SLC34A1: variants seen among roughly 807,000 people sequenced by gnomAD.
The protein encoded by SLC34A1 is sodium-dependent phosphate transport protein 2A.
Under a neutral mutation model 51.4 loss-of-function variants are expected in SLC34A1, and 57 were observed. The observed-to-expected ratio is 1.11, with a 90% CI of 0.90 to 1.38. The LOEUF (loss-of-function observed/expected upper bound fraction) is 1.38. Ranked by LOEUF, SLC34A1 falls within the 40% of genes most tolerant of loss-of-function variation. The probability of loss-of-function intolerance (pLI) is 0.00; values close to 1 mark genes in which losing one functional copy is unlikely to be tolerated. For synonymous variants in SLC34A1, 368 were observed against 358.0 expected, an observed-to-expected ratio of 1.03 and a Z score of -0.32; for missense variants, 796 against 835.6, an observed-to-expected ratio of 0.95 and a Z score of 0.58.
In SLC34A1 at chr5:177,398,090, C is replaced by T. The variant is rs201331677; in HGVS notation, c.1724C>T (p.Thr575Ile). ...SPGHLPKWLQ[T>I]WDFLPRWMHS... ...GGGCACCTGCCCAAGTGGTTACAGA[C>T]ATGGGACTTCCTGCCTCGCTGGATG... The change falls in exon 13 of 13, where the codon ACA becomes ATA. Residue 575 changes from threonine (T) to isoleucine (I), a missense_variant. Transcript: ENST00000324417. This position sits in a 1 kb window ranked among gnomAD's most constrained non-coding sequence, Gnocchi z 4.7. The T allele has an allele frequency of 4.2e-5, 68 of 1,612,388 alleles. No individual in the cohort carries two copies. The highest frequency in any genetic ancestry group is 5.6e-5 in the Non-Finnish European group (66 of 1,178,710).
chr5:177,388,406 T>C lies in SLC34A1; in HGVS notation c.936+34T>C, dbSNP rs771988697. On this transcript the variant is annotated intron_variant, in intron 8 of 12. Transcript: ENST00000324417. The surrounding 1 kb of genome is among the most constrained non-coding windows in gnomAD (Gnocchi z 4.3). ...CAGGCCTAACCCCAGGTAAGAGGAC[T>C]CCCTCTTCAGACTCTTGGTTTCATT... The C allele has an allele frequency of 6.6e-7, 1 of 1,512,904 alleles. No homozygotes were observed. Among genetic ancestry groups the C allele is most frequent in the Admixed American group, 1.7e-5 (1 of 59,882 alleles). 93.7% of individuals were successfully genotyped at this position (1,512,904 alleles called of 1,614,324 possible). A position where few individuals can be genotyped will look rare whatever the true frequency, so the allele number is the denominator to read the frequency against.
chr5:177,385,027 G>C (rs189669720), intron 1 of SLC34A1, among the ~76,000 whole-genome samples: 9 of 152,200 alleles, frequency 5.9e-5, no homozygotes, highest in East Asian at 3.9e-4. Context: ...GACAAGGGGG[G>C]GCTGAGGCAA....
chr5:177,390,006 G>A, intron 8 of SLC34A1: 1 of 1,335,162 alleles, frequency 7.5e-7, no homozygotes. Context: ...TTCTGGGACA[G>A]CGCCCCGAAG....
intron 8 of SLC34A1, 55 bp from the exon 9 acceptor site, chr5:177,393,639 C>T (rs1326596824): frequency 1.3e-6 from 2 of 1,572,812 alleles, no homozygotes; most frequent in African/African-American, 2.7e-5. Flanking sequence ...CCATCTCAGC[C>T]CCAACCTCAG....
chr5:177,396,515 TCTCTCCCAGTGCCCCCGCGGAGGTCCG>T lies in SLC34A1; in HGVS notation c.1175-191_1175-165del, dbSNP rs1762968793. On this transcript the variant is annotated intron_variant, in intron 10 of 12. Transcript: ENST00000324417. This position sits in a 1 kb window ranked among gnomAD's most constrained non-coding sequence, Gnocchi z 4.0. ...TCTCCCAGTGCCCCCGCGGAGGTCC[TCTCTCCCAGTGCCCCCGCGGAGGTCCG>T]CTCTCCCAGTGCCCCCGCGGAGGTC... is the stretch of plus-strand genomic sequence containing the variant. Among the ~76,000 whole-genome samples the T allele has an allele frequency of 1.0e-3, 66 of 63,322 alleles. 3 individuals are homozygous for T. The South Asian group carries it at 0.012, about 11-fold the overall frequency. The allele number at this position is 63,322 out of a possible 152,430, so 41.5% of individuals were successfully genotyped here. A position where few individuals can be genotyped will look rare whatever the true frequency, so the allele number is the denominator to read the frequency against.
chr5:177,387,901 G>A (rs781281968), intron 6 of SLC34A1, 28 bp downstream of exon 6: 11 of 1,604,306 alleles, frequency 6.9e-6, no homozygotes, highest in East Asian at 6.7e-5. Flanking sequence ...TTGGGGGCTC[G>A]TGCCTGGGGG....
chr5:177,395,310 T>C (rs1225539316), intron 10 of SLC34A1, among the ~76,000 whole-genome samples: 1 of 152,142 alleles, frequency 6.6e-6, no homozygotes, highest in Non-Finnish European at 1.5e-5. Flanking sequence ...CGGTTTCCAA[T>C]GCGCTGTTTG....
At chr5:177,385,909 G>C in intron 2 of SLC34A1, 59 bp downstream of exon 2, 1 of 1,610,070 alleles carries the variant, frequency 6.2e-7, no homozygotes, top group Non-Finnish European at 8.5e-7. Context: ...CATCCCGGAT[G>C]AGGCCACTTC....
At chr5:177,385,937 C>T (rs1302957501) in intron 2 of SLC34A1, 50 bp from the exon 3 acceptor site, 20 of 1,609,978 alleles carry the variant, frequency 1.2e-5, no homozygotes, top group South Asian at 2.2e-5. Flanking sequence ...TGTTCCTCCC[C>T]GCCTCCCCAC....
In SLC34A1 at chr5:177,388,196, G is replaced by A; in HGVS notation, c.840+7G>A. 6.2e-7 allele frequency: 1 copy of A among 1,614,108 alleles called. No homozygotes were observed. On this transcript the variant is annotated splice_region_variant and intron_variant, in intron 7 of 12. Coordinates refer to ENST00000324417, the MANE Select transcript of SLC34A1 (RefSeq NM_003052.5). This position sits in a 1 kb window ranked among gnomAD's most constrained non-coding sequence, Gnocchi z 4.3. The stretch of plus-strand genomic sequence containing the variant: ...CACGAAGCTCATCATCCAGGTGACA[G>A]CAGGGCCTGGCATGGGGTGAGGGTG...
intron 8 of SLC34A1, among the ~76,000 whole-genome samples, chr5:177,391,700 C>T (rs577222413): frequency 2.3e-4 from 35 of 152,342 alleles, no homozygotes; most frequent in African/African-American, 6.7e-4. Context: ...TGATCCTGAA[C>T]GGGCCCAGCG....
Position 177,386,313 on chromosome 5 carries a change from C to G in SLC34A1, c.352C>G (p.Leu118Val). The G allele has an allele frequency of 1.2e-6, 2 of 1,614,278 alleles. No homozygotes were observed. The highest frequency in any genetic ancestry group is 1.7e-6 in the Non-Finnish European group (2 of 1,180,048). The change falls in exon 4 of 13, where the codon CTG (leucine) becomes GTG (valine). Residue 118 changes from leucine to valine, a missense_variant. Coordinates refer to ENST00000324417, the MANE Select transcript of SLC34A1 (RefSeq NM_003052.5). This position sits in a 1 kb window ranked among gnomAD's most constrained non-coding sequence, Gnocchi z 4.8. ...CTTCCTCTACCTCTTCGTCTGCTCCCTGGACATGCTCAGCTCGGCCTTCCA... is the reference window on the plus strand; with the variant it reads ...CTTCCTCTACCTCTTCGTCTGCTCCGTGGACATGCTCAGCTCGGCCTTCCA... ...LTFLYLFVCS[L>V]DMLSSAFQLA...
In SLC34A1 at chr5:177,396,461, G is replaced by GCTCTCCCAGTGCCCCCGCGGAGGTCCT. The variant is rs1561634500; in HGVS notation, c.1175-218_1175-192dup. ...TCTCCCAGTGCCCCCGCGGAGGTCCGCTCTCCCAGTGCCCCCGCGGAGGTC... is the reference window on the plus strand; with the variant it reads ...TCTCCCAGTGCCCCCGCGGAGGTCCGCTCTCCCAGTGCCCCCGCGGAGGTCCTCTCTCCCAGTGCCCCCGCGGAGGTC... On this transcript the variant is annotated intron_variant, in intron 10 of 12. Transcript: ENST00000324417. The surrounding 1 kb of genome is among the most constrained non-coding windows in gnomAD (Gnocchi z 4.0). Among the ~76,000 whole-genome samples, 12 of 135,076 alleles carry GCTCTCCCAGTGCCCCCGCGGAGGTCCT rather than the reference G, an allele frequency of 8.9e-5. 1 individual carries two copies. The highest frequency in any genetic ancestry group is 1.9e-4 in the African/African-American group (7 of 35,902). 88.6% of individuals were successfully genotyped at this position (135,076 alleles called of 152,430 possible). A position where few individuals can be genotyped will look rare whatever the true frequency, so the allele number is the denominator to read the frequency against.
rs760473872 is a variant in SLC34A1 at position 177,386,330 on chromosome 5, G to A, written c.369G>A (p.Ser123=). ...LFVCSLDMLS[S]AFQLAGGKVA... is the part of the protein sequence containing the mutation. Reference sequence around the variant, plus strand: ...TCTGCTCCCTGGACATGCTCAGCTCGGCCTTCCAGCTGGCTGGAGGTAGGG... The same window carrying A: ...TCTGCTCCCTGGACATGCTCAGCTCAGCCTTCCAGCTGGCTGGAGGTAGGG... Residue 123 remains serine, a synonymous_variant, in exon 4 of 13, where the codon TCG becomes TCA. Coordinates refer to ENST00000324417, the MANE Select transcript of SLC34A1 (RefSeq NM_003052.5). The surrounding 1 kb of genome is among the most constrained non-coding windows in gnomAD (Gnocchi z 4.8). 23 of 1,614,248 alleles carry A rather than the reference G, an allele frequency of 1.4e-5. No homozygotes were observed. The highest frequency in any genetic ancestry group is 6.7e-5 in the Admixed American group (4 of 60,032).
intron 10 of SLC34A1, among the ~76,000 whole-genome samples, chr5:177,394,854 C>A (rs1017250649): frequency 6.6e-6 from 1 of 151,898 alleles, no homozygotes; most frequent in Admixed American, 6.6e-5. Flanking sequence ...CCACAACACC[C>A]GGCTAATTTT....
intron 8 of SLC34A1, among the ~76,000 whole-genome samples, chr5:177,389,006 T>C (rs139973727): frequency 1.3e-5 from 2 of 152,278 alleles, no homozygotes; most frequent in East Asian, 3.9e-4. Flanking sequence ...GGAGAACTCC[T>C]TGGAGATGTT....
intron 10 of SLC34A1, among the ~76,000 whole-genome samples, chr5:177,394,795 G>C (rs1762909782): frequency 6.7e-6 from 1 of 148,354 alleles, no homozygotes. Context: ...CAGGGTTCAA[G>C]TGATTCTCCT....
rs1762676192 is a variant in SLC34A1 at position 177,388,305 on chromosome 5, C to T, written c.869C>T (p.Ala290Val). ...QLDESVITSI[A>V]TGDESLRNHS... ...GACGAGTCTGTGATAACCAGCATTGCCACTGGTGATGAGTCCCTGAGGAAC... is the reference window on the plus strand; with the variant it reads ...GACGAGTCTGTGATAACCAGCATTGTCACTGGTGATGAGTCCCTGAGGAAC... Residue 290 changes from alanine to valine, a missense_variant, in exon 8 of 13, where the codon GCC (alanine) becomes GTC (valine). Coordinates refer to ENST00000324417, the MANE Select transcript of SLC34A1 (RefSeq NM_003052.5). The surrounding 1 kb of genome is among the most constrained non-coding windows in gnomAD (Gnocchi z 4.3). 1.9e-6 allele frequency: 3 copies of T among 1,614,192 alleles called. No individual in the cohort carries two copies. Among genetic ancestry groups the T allele is most frequent in the Non-Finnish European group, 2.5e-6 (3 of 1,180,026 alleles).
Position 177,398,294 on chromosome 5 carries a change from G to A in SLC34A1, c.*8G>A, listed in dbSNP as rs893679690. ...AATGCCACCCGCCTCTAGGCTGTGG[G>A]CCCAGACTACAGCCTGGAATGGGGA... On this transcript the variant is annotated 3_prime_UTR_variant, in exon 13 of 13. Coordinates refer to ENST00000324417, the MANE Select transcript of SLC34A1 (RefSeq NM_003052.5). The surrounding 1 kb of genome is among the most constrained non-coding windows in gnomAD (Gnocchi z 4.7). 1.9e-6 allele frequency: 3 copies of A among 1,599,284 alleles called. No homozygotes were observed. Among genetic ancestry groups the A allele is most frequent in the African/African-American group, 1.3e-5 (1 of 75,038 alleles).
Sources: gnomAD v4.1 joint callset for allele counts (sites outside exome capture counted in the v4.1 genomes callset) on GRCh38, gnomAD v4.1.1 for gene constraint, Gnocchi (gnomAD v3.1) non-coding constraint, MANE v1.5 for transcripts, NCBI Gene and HGNC (gene_info 2026-07-23, HGNC 2026-07-21) for gene names.